Variants in HHAT observed in about 807,000 individuals in gnomAD.
HHAT encodes the protein hedgehog acyltransferase.
In HHAT, 47 loss-of-function variants were observed where a neutral mutation model predicts 70.8. The ratio of observed to expected loss-of-function variants is 0.66; its 90% CI spans 0.53 to 0.85. The LOEUF (loss-of-function observed/expected upper bound fraction) is 0.85. HHAT is among the 40% of genes least tolerant of loss of function. HHAT has a pLI of 0.00. For missense variants in HHAT, 609 were observed against 604.8 expected (o/e 1.01, Z -0.07); for synonymous variants, 228 against 247.6 (o/e 0.92, Z 0.74).
intron 9 of HHAT, among the ~76,000 whole-genome samples, chr1:210,562,202 C>T (rs1018275303): frequency 7.9e-5 from 12 of 151,714 alleles, no homozygotes; most frequent in African/African-American, 2.7e-4. Context: ...TCAAGAGCAC[C>T]CTTTAGTGTA....
intron 11 of HHAT, among the ~76,000 whole-genome samples, chr1:210,668,950 T>C (rs1679508853): frequency 1.3e-5 from 2 of 152,220 alleles, no homozygotes; most frequent in Admixed American, 1.3e-4. Flanking sequence ...ATTTTTTGTA[T>C]TTTTAGTAGA....
intron 8 of HHAT, among the ~76,000 whole-genome samples, chr1:210,494,450 G>A (rs1314603335): frequency 2.0e-5 from 3 of 151,656 alleles, no homozygotes; most frequent in East Asian, 1.9e-4. Flanking sequence ...AGCCTCAGCC[G>A]CTGGTAGGAT....
chr1:210,672,371 A>G (rs1016364527), intron 11 of HHAT, among the ~76,000 whole-genome samples: 2 of 152,080 alleles, frequency 1.3e-5, no homozygotes, highest in Non-Finnish European at 2.9e-5. Flanking sequence ...CCTCCTCCCT[A>G]TGCAGCAGCC....
chr1:210,395,044 T>G (rs2091703715), intron 4 of HHAT, among the ~76,000 whole-genome samples: 1 of 152,208 alleles, frequency 6.6e-6, no homozygotes, highest in African/African-American at 2.4e-5. Context: ...CAGCTGCTAT[T>G]GATTATGTAG....
chr1:210,596,269 A>C (rs1186455223), intron 10 of HHAT, among the ~76,000 whole-genome samples: 1 of 152,130 alleles, frequency 6.6e-6, no homozygotes, highest in Non-Finnish European at 1.5e-5. Flanking sequence ...TTAATACTTG[A>C]CTTTGGGAGT....
intron 10 of HHAT, among the ~76,000 whole-genome samples, chr1:210,607,256 CTTA>C (rs1450417516): frequency 6.6e-6 from 1 of 152,012 alleles, no homozygotes; most frequent in Non-Finnish European, 1.5e-5. Flanking sequence ...TCTGCTCTAT[CTTA>C]TTAAAATGGG....
intron 7 of HHAT, among the ~76,000 whole-genome samples, chr1:210,463,178 C>T (rs978863233): frequency 7.3e-5 from 11 of 149,910 alleles, no homozygotes; most frequent in Non-Finnish European, 1.3e-4. Context: ...TGGAAGATAG[C>T]TCACATACCA....
chr1:210,472,647 A>T (rs901296082), intron 8 of HHAT, among the ~76,000 whole-genome samples: 2 of 152,210 alleles, frequency 1.3e-5, no homozygotes, highest in African/African-American at 4.8e-5. Context: ...TAAAATATTT[A>T]AAGAGGTTTA....
chr1:210,660,754 A>G (rs1279405740), intron 11 of HHAT, among the ~76,000 whole-genome samples: 1 of 152,162 alleles, frequency 6.6e-6, no homozygotes, highest in Non-Finnish European at 1.5e-5. Context: ...CCTCAGAAAT[A>G]ACACCACACA....
At chr1:210,649,991 G>A (rs576859479) in intron 11 of HHAT, among the ~76,000 whole-genome samples, 1 of 152,326 alleles carries the variant, frequency 6.6e-6, no homozygotes, top group South Asian at 2.1e-4. Context: ...TGGATTTATA[G>A]TTGTGAGATG....
intron 9 of HHAT, among the ~76,000 whole-genome samples, chr1:210,560,331 A>C (rs1359051703): frequency 6.6e-6 from 1 of 152,174 alleles, no homozygotes; most frequent in Non-Finnish European, 1.5e-5. Flanking sequence ...ACTTAAAAAC[A>C]ATGGGAATGT....
At chr1:210,517,764 A>C (rs945257418) in intron 9 of HHAT, among the ~76,000 whole-genome samples, 2 of 152,228 alleles carry the variant, frequency 1.3e-5, no homozygotes, top group African/African-American at 4.8e-5. Flanking sequence ...ACCATTTCAC[A>C]ATGTAAAAGT....
In HHAT at chr1:210,586,467, A is replaced by G. The variant is rs538816799; in HGVS notation, c.1044-1431A>G. 3.9e-5 allele frequency among the ~76,000 whole-genome samples: 6 copies of G among 152,298 alleles called. No homozygotes were observed. The South Asian group carries it at 1.0e-3, about 26-fold the overall frequency. Reference sequence around the variant, plus strand: ...AAAATAAAATAGTCCTGTTGAAAACATTTTGAATAGAACAATTTCCTCTCT... The same window carrying G: ...AAAATAAAATAGTCCTGTTGAAAACGTTTTGAATAGAACAATTTCCTCTCT... On this transcript the variant is annotated intron_variant, in intron 9 of 11. Coordinates refer to ENST00000261458, the MANE Select transcript of HHAT (RefSeq NM_018194.6).
At chr1:210,373,594 T>C (rs939005246) in intron 3 of HHAT, among the ~76,000 whole-genome samples, 2 of 152,178 alleles carry the variant, frequency 1.3e-5, no homozygotes, top group African/African-American at 2.4e-5. Context: ...TGTTATTCCA[T>C]CATGATTTTG....
intron 7 of HHAT, among the ~76,000 whole-genome samples, chr1:210,440,548 C>G (rs2093482268): frequency 6.6e-6 from 1 of 151,822 alleles, no homozygotes; most frequent in Non-Finnish European, 1.5e-5. Flanking sequence ...CTGGTCACTT[C>G]CCATCAGCTG....
At chr1:210,560,974 A>T (rs2095618070) in intron 9 of HHAT, among the ~76,000 whole-genome samples, 1 of 152,106 alleles carries the variant, frequency 6.6e-6, no homozygotes. Context: ...GCTAATGATC[A>T]CTGAGGCCAG....
At chr1:210,417,661 C>A (rs1014319035) in intron 6 of HHAT, among the ~76,000 whole-genome samples, 3 of 152,232 alleles carry the variant, frequency 2.0e-5, no homozygotes, top group African/African-American at 7.2e-5. Context: ...GACATGCCCA[C>A]ACATCATTTT....
chr1:210,441,257 C>T (rs2093500685), intron 7 of HHAT, among the ~76,000 whole-genome samples: 1 of 152,208 alleles, frequency 6.6e-6, no homozygotes, highest in Non-Finnish European at 1.5e-5. Context: ...TGATTTTAGA[C>T]AGCAGCAGCT....
chr1:210,416,495 G>A (rs1180632646), intron 6 of HHAT, among the ~76,000 whole-genome samples: 1 of 152,194 alleles, frequency 6.6e-6, no homozygotes, highest in Non-Finnish European at 1.5e-5. Flanking sequence ...AGTGGTATAA[G>A]GCTGAACGAA....
Sources: allele counts gnomAD v4.1 joint callset (sites outside exome capture counted in the v4.1 genomes callset), GRCh38; gene constraint gnomAD v4.1.1; transcripts MANE v1.5; gene names NCBI Gene and HGNC (gene_info 2026-07-23, HGNC 2026-07-21).